Variants in DGKK observed in about 807,000 individuals in gnomAD.
DGKK encodes the protein diacylglycerol kinase kappa.
DGKK carries 35 observed loss-of-function variants against 92.2 expected under a neutral mutation model. The observed-to-expected ratio is 0.38, with a 90% confidence interval of 0.29 to 0.50. DGKK has a LOEUF of 0.50. DGKK is among the 20% of genes least tolerant of loss of function. The pLI, the probability that DGKK is intolerant of heterozygous loss-of-function variation, is 0.92. For missense variants in DGKK, 910 were observed against 992.2 expected (o/e 0.92, Z 1.11); for synonymous variants, 368 against 360.6 (o/e 1.02, Z -0.23).
intron 17 of DGKK, among the ~76,000 whole-genome samples, chrX:50,382,813 A>G (rs1342972216): frequency 4.5e-5 from 5 of 111,892 alleles, no homozygotes; most frequent in African/African-American, 1.3e-4. Flanking sequence ...GTGCCTCGCC[A>G]GTTGGGAAGC....
chrX:50,434,895 A>C (rs1925980718), intron 1 of DGKK, among the ~76,000 whole-genome samples: 2 of 112,013 alleles, frequency 1.8e-5, no homozygotes, highest in Non-Finnish European at 1.9e-5. Context: ...ACTTAAAGAC[A>C]GAGATATATT....
At chrX:50,381,243 G>A (rs1309585414) in intron 18 of DGKK, among the ~76,000 whole-genome samples, 2 of 111,480 alleles carry the variant, frequency 1.8e-5, no homozygotes, top group Non-Finnish European at 3.8e-5. Flanking sequence ...TGAGGCGGGC[G>A]GATTGCCTGA....
chrX:50,420,471 G>T lies in DGKK; in HGVS notation c.874C>A (p.Pro292Thr), dbSNP rs782460377. Residue 292 changes from proline to threonine, a missense_variant, in exon 4 of 28, where the codon CCC becomes ACC. Physicochemically the swap from Pro to Thr is conservative, Grantham distance 38. Transcript: ENST00000611977. ...CATTCTTCCATGTCTTTCCGGTTGG[G>T]TGCAGCCAGAGTGATTTTTCGTTGT... ...TPQRKITLAA[P>T]NRKDMEEWIN... is the part of the protein sequence containing the mutation. The T allele has an allele frequency of 8.3e-7, 1 of 1,210,283 alleles. No individual in the cohort carries two copies. The highest frequency in any genetic ancestry group is 1.8e-5 in the South Asian group (1 of 56,852).
intron 1 of DGKK, among the ~76,000 whole-genome samples, chrX:50,425,765 G>C (rs1464271279): frequency 8.9e-6 from 1 of 111,740 alleles, no homozygotes; most frequent in Non-Finnish European, 1.9e-5. Context: ...TCAGAACAAA[G>C]AGAACAATAA....
At chrX:50,429,663 T>C (rs781810502) in intron 1 of DGKK, among the ~76,000 whole-genome samples, 1 of 112,678 alleles carries the variant, frequency 8.9e-6, no homozygotes, top group African/African-American at 3.2e-5. Context: ...CACTCCAGCC[T>C]GGAAGACAGC....
chrX:50,405,736 A>G (rs924439573), intron 4 of DGKK, among the ~76,000 whole-genome samples: 1 of 111,822 alleles, frequency 8.9e-6, no homozygotes, highest in South Asian at 3.8e-4. Context: ...AGGGAAAGCT[A>G]TTTTGATGAA....
Position 50,370,586 on chromosome X carries a change from G to C in DGKK, c.3613-37C>G, listed in dbSNP as rs150271614. 9.2e-4 allele frequency: 1,072 copies of C among 1,169,324 alleles called. 15 individuals carry two copies. The African/African-American group carries it at 0.016, about 18-fold the overall frequency. On this transcript the variant is annotated intron_variant, in intron 26 of 27. Coordinates refer to ENST00000611977, the MANE Select transcript of DGKK (RefSeq NM_001013742.4). ...CAAGAGGAAGGTCAAAATGTTAGTT[G>C]CCTAATATTCAAAGATAATTGCTGG...
At position 50,403,518 on chromosome X, in the gene DGKK, A is replaced by C. The variant is rs1557226887; in HGVS notation, c.1158T>G (p.Asp386Glu). 9.9e-6 allele frequency: 12 copies of C among 1,209,066 alleles called. No homozygotes were observed. The highest frequency in any genetic ancestry group is 1.3e-5 in the Non-Finnish European group (12 of 894,597). Reference protein sequence around the residue: ...DCKWNTLSITDDLLLPADEVN... With the variant: ...DCKWNTLSITEDLLLPADEVN... ...CTTCATCTGCAGGCAGAAGGAGGTC[A>C]TCAGTGATAGACAATGTATTCCACT... The change falls in exon 6 of 28, where the codon GAT becomes GAG. Residue 386 changes from aspartate to glutamate, a missense_variant. By Grantham distance (45) the Asp-to-Glu change is conservative. Coordinates refer to ENST00000611977, the MANE Select transcript of DGKK (RefSeq NM_001013742.4).
chrX:50,399,525 C>T (rs887451525), intron 8 of DGKK, among the ~76,000 whole-genome samples: 4 of 111,915 alleles, frequency 3.6e-5, no homozygotes, highest in Admixed American at 1.9e-4. Context: ...ATATCCCACA[C>T]GTCAGAGATG....
intron 4 of DGKK, among the ~76,000 whole-genome samples, chrX:50,412,430 T>C (rs1478781834): frequency 2.7e-5 from 3 of 112,097 alleles, no homozygotes; most frequent in Non-Finnish European, 5.6e-5. Flanking sequence ...AAAATTCCAA[T>C]GTCATTTTTT....
At chrX:50,380,934 T>C (rs1459799060) in intron 18 of DGKK, among the ~76,000 whole-genome samples, 1 of 111,837 alleles carries the variant, frequency 8.9e-6, no homozygotes, top group Non-Finnish European at 1.9e-5. Context: ...TATGAAAATG[T>C]ACAATACCTA....
chrX:50,400,876 G>T (rs782318666), intron 8 of DGKK, among the ~76,000 whole-genome samples, 161 bp downstream of exon 8: 2 of 111,081 alleles, frequency 1.8e-5, no homozygotes, highest in Non-Finnish European at 3.8e-5. Flanking sequence ...CAATCCCAAA[G>T]GTAAGAGAAC....
At chrX:50,426,733 G>A (rs1457465820) in intron 1 of DGKK, among the ~76,000 whole-genome samples, 4 of 111,815 alleles carry the variant, frequency 3.6e-5, no homozygotes, top group African/African-American at 1.3e-4. Flanking sequence ...AGATGTATAA[G>A]CCCAGAGCAA....
Position 50,378,615 on chromosome X carries a change from G to A in DGKK, c.2939C>T (p.Ser980Phe). The change falls in exon 21 of 28, where the codon TCC becomes TTC. Residue 980 changes from serine (S) to phenylalanine (F), a missense_variant. Transcript: ENST00000611977. ...ATGATGATGCAGGTTGATGATACGG[G>A]ACATTGCCATCTGCACAGAACCAAA... ...AIFGSVQMAMSRIINLHHHRI... is the reference protein window; with the variant it reads ...AIFGSVQMAMFRIINLHHHRI... 8.3e-7 allele frequency: 1 copy of A among 1,209,555 alleles called. No homozygotes were observed. The highest frequency in any genetic ancestry group is 1.1e-6 in the Non-Finnish European group (1 of 894,498).
chrX:50,404,834 C>G (rs1557227079), intron 4 of DGKK, among the ~76,000 whole-genome samples: 2 of 111,168 alleles, frequency 1.8e-5, no homozygotes, highest in Non-Finnish European at 3.8e-5. Flanking sequence ...GGCTCTGACT[C>G]TGGGCTAGGG....
At chrX:50,447,118 C>T (rs1381799062) in intron 1 of DGKK, among the ~76,000 whole-genome samples, 1 of 100,691 alleles carries the variant, frequency 9.9e-6, no homozygotes, top group African/African-American at 3.6e-5. Flanking sequence ...CATAAAATTA[C>T]AATTCCTCTT....
chrX:50,411,393 A>G (rs1925301292), intron 4 of DGKK, among the ~76,000 whole-genome samples: 1 of 112,698 alleles, frequency 8.9e-6, no homozygotes, highest in African/African-American at 3.2e-5. Flanking sequence ...TCCCTGAGAT[A>G]AAAAGATGAT....
chrX:50,393,081 G>T, intron 9 of DGKK, 71 bp downstream of exon 9: 1 of 912,255 alleles, frequency 1.1e-6, no homozygotes, highest in Non-Finnish European at 1.5e-6. Context: ...CAAGAAGCCT[G>T]TTTTAGTTTA....
At chrX:50,401,310 TC>T (rs1351830808) in intron 7 of DGKK, among the ~76,000 whole-genome samples, 171 bp from the exon 8 acceptor site, 3 of 110,885 alleles carry the variant, frequency 2.7e-5, no homozygotes, top group Non-Finnish European at 5.7e-5. Flanking sequence ...CCCATTCTAC[TC>T]TGAGCCTACA....
Sources: allele counts gnomAD v4.1 joint callset (sites outside exome capture counted in the v4.1 genomes callset), GRCh38; gene constraint gnomAD v4.1.1; transcripts MANE v1.5; gene names NCBI Gene and HGNC (gene_info 2026-07-23, HGNC 2026-07-21).